The following ZNF236 variants were observed in gnomAD, a reference collection of about 807,000 sequenced individuals.
ZNF236 encodes regulated by glucose.
In ZNF236, 50 loss-of-function variants were observed where a neutral mutation model predicts 191.2. The observed-to-expected ratio is 0.26, with a 90% CI of 0.21 to 0.33. ZNF236 has a LOEUF of 0.33. Among genes scored for constraint, ZNF236 ranks in the 10% least tolerant of loss-of-function variants. ZNF236 has a pLI of 1.00. For missense variants in ZNF236, 1,754 were observed against 2,374.5 expected (o/e 0.74, Z 5.43); for synonymous variants, 907 against 928.8 (o/e 0.98, Z 0.43).
At chr18:76,922,938 G>A in intron 20 of ZNF236, 133 bp from the exon 21 acceptor site, 1 of 654,644 alleles carries the variant, frequency 1.5e-6, no homozygotes. Context: ...TTTTTGTATG[G>A]AGTGAAGCTT....
intron 3 of ZNF236, among the ~76,000 whole-genome samples, chr18:76,858,523 G>A (rs1488689443): frequency 6.6e-6 from 1 of 152,228 alleles, no homozygotes. Flanking sequence ...ATTTTCAGAG[G>A]TCCCTATCTG....
intron 1 of ZNF236, among the ~76,000 whole-genome samples, chr18:76,843,202 G>A (rs1279454205): frequency 2.0e-5 from 3 of 152,168 alleles, no homozygotes; most frequent in African/African-American, 7.2e-5. Context: ...GAGAGCATGA[G>A]CCGGTGAGGC....
intron 30 of ZNF236, 139 bp from the exon 31 acceptor site, chr18:76,968,074 ACT>A: frequency 9.1e-7 from 1 of 1,100,824 alleles, no homozygotes; most frequent in Non-Finnish European, 1.3e-6. Flanking sequence ...AGCTCAAATT[ACT>A]CTTTTTTCAC....
intron 25 of ZNF236, among the ~76,000 whole-genome samples, chr18:76,932,603 G>A (rs1967887832): frequency 6.6e-6 from 1 of 152,148 alleles, no homozygotes; most frequent in Admixed American, 6.5e-5. Context: ...CAGGGCTCTG[G>A]GTGAGATGTC....
chr18:76,842,982 G>A (rs1975555141), intron 1 of ZNF236, among the ~76,000 whole-genome samples: 1 of 152,208 alleles, frequency 6.6e-6, no homozygotes, highest in African/African-American at 2.4e-5. Context: ...CTCCTTCTTG[G>A]AAGAAAGCAG....
Position 76,915,753 on chromosome 18 carries a change from G to A in ZNF236, c.3168G>A (p.Pro1056=), listed in dbSNP as rs756612342. The part of the protein sequence containing the change: ...THMSMKPYKC[P]FCEEGFRTTV... ...TGAGCATGAAGCCTTATAAGTGTCC[G>A]TTTTGTGAGGAGGGTTTCCGAACTA... is the stretch of plus-strand genomic sequence containing the variant. Residue 1056 remains proline (P), a synonymous_variant, in exon 19 of 31, where the codon CCG becomes CCA. Coordinates refer to ENST00000320610, the MANE Select transcript of ZNF236 (RefSeq NM_001306089.2). The A allele has an allele frequency of 7.4e-6, 12 of 1,614,036 alleles. No individual in the cohort carries two copies. Among genetic ancestry groups the A allele is most frequent in the Admixed American group, 1.7e-5 (1 of 60,000 alleles).
intron 1 of ZNF236, among the ~76,000 whole-genome samples, chr18:76,825,444 T>G (rs1055097686): frequency 6.6e-6 from 1 of 152,198 alleles, no homozygotes; most frequent in Non-Finnish European, 1.5e-5. Context: ...TTAGCACGAA[T>G]CTAGGTGGTG....
chr18:76,851,426 T>TG (rs1975866930), intron 2 of ZNF236, among the ~76,000 whole-genome samples: 1 of 152,114 alleles, frequency 6.6e-6, no homozygotes, highest in Non-Finnish European at 1.5e-5. Context: ...CCACCGTGCC[T>TG]GGGCACAGAA....
At chr18:76,931,285 C>T (rs890669050) in intron 25 of ZNF236, 4 of 152,170 alleles carry the variant, frequency 2.6e-5, no homozygotes, top group African/African-American at 9.7e-5. Context: ...AGCTAAAGAG[C>T]TCTGCCCACA....
chr18:76,892,068 T>G (rs951471391), intron 9 of ZNF236, among the ~76,000 whole-genome samples: 10 of 151,946 alleles, frequency 6.6e-5, no homozygotes, highest in African/African-American at 2.4e-4. Context: ...CCAGGGAGAA[T>G]TGATGTCTTT....
chr18:76,943,077 C>T (rs1459438320), intron 26 of ZNF236, among the ~76,000 whole-genome samples: 68 of 134,554 alleles, frequency 5.1e-4, no homozygotes, highest in African/African-American at 1.8e-3. Context: ...AAGCCGAGAT[C>T]GTGCCACTGC....
intron 19 of ZNF236, among the ~76,000 whole-genome samples, chr18:76,917,785 G>A (rs1249838818): frequency 1.3e-5 from 2 of 151,984 alleles, no homozygotes; most frequent in African/African-American, 4.8e-5. Context: ...TGTGTTGGTG[G>A]GGCCGCTATC....
chr18:76,873,637 A>T (rs1239256340), intron 5 of ZNF236, among the ~76,000 whole-genome samples: 1 of 152,170 alleles, frequency 6.6e-6, no homozygotes, highest in East Asian at 1.9e-4. Context: ...GGGTGACCAG[A>T]ATCCTGCTGG....
chr18:76,850,636 C>T (rs576921521), intron 2 of ZNF236, among the ~76,000 whole-genome samples: 1 of 150,872 alleles, frequency 6.6e-6, no homozygotes, highest in Non-Finnish European at 1.5e-5. Context: ...GATGGAGTTT[C>T]ACTCTGTTGC....
chr18:76,954,738 CATATT>C (rs1199591400), intron 27 of ZNF236, among the ~76,000 whole-genome samples: 1 of 152,194 alleles, frequency 6.6e-6, no homozygotes, highest in Non-Finnish European at 1.5e-5. Context: ...ACACAGGTAT[CATATT>C]ATAGAATAAC....
At position 76,880,049 on chromosome 18, in the gene ZNF236, T is replaced by TTA; in HGVS notation, c.985-64_985-63insTA. ...AGGGTATTGCCTGTTTTTTTTTTTT[T>TTA]AATTTTCCTTTTTAAATTGAAGAGC... On this transcript the variant is annotated intron_variant, in intron 7 of 30. Coordinates refer to ENST00000320610, the MANE Select transcript of ZNF236 (RefSeq NM_001306089.2). This position sits in a 1 kb window ranked among gnomAD's most constrained non-coding sequence, Gnocchi z 5.0. 2 of 1,491,672 alleles carry TTA rather than the reference T, an allele frequency of 1.3e-6. No individual in the cohort carries two copies. Among genetic ancestry groups the TTA allele is most frequent in the South Asian group, 2.5e-5 (2 of 79,186 alleles). The allele number at this position is 1,491,672 out of a possible 1,614,324, so 92.4% of individuals were successfully genotyped here.
chr18:76,864,466 C>T (rs1976342623), intron 3 of ZNF236, among the ~76,000 whole-genome samples: 1 of 152,086 alleles, frequency 6.6e-6, no homozygotes, highest in Non-Finnish European at 1.5e-5. Context: ...TCCCAAAGTT[C>T]TGGGATTACA....
intron 5 of ZNF236, among the ~76,000 whole-genome samples, chr18:76,873,926 G>A (rs1375782574): frequency 1.3e-5 from 2 of 150,888 alleles, no homozygotes; most frequent in Non-Finnish European, 2.9e-5. Context: ...CCGTGACCGG[G>A]CCACACTCTC....
intron 9 of ZNF236, chr18:76,886,113 T>C (rs1266354522): frequency 6.6e-6 from 1 of 152,226 alleles, no homozygotes; most frequent in Non-Finnish European, 1.5e-5. Context: ...CTGTCAATAA[T>C]TGGTATTCCG....
Sources: allele counts gnomAD v4.1 joint callset (sites outside exome capture counted in the v4.1 genomes callset), GRCh38; gene constraint gnomAD v4.1.1; non-coding constraint Gnocchi (gnomAD v3.1); transcripts MANE v1.5; gene names NCBI Gene and HGNC (gene_info 2026-07-23, HGNC 2026-07-21).